The following CHTOP variants were observed in gnomAD, a reference collection of about 807,000 sequenced individuals.
CHTOP encodes chromatin target of PRMT1 protein.
A neutral mutation model predicts 33.6 loss-of-function variants in CHTOP; 18 were observed. The ratio of observed to expected loss-of-function variants is 0.54; its 90% CI spans 0.37 to 0.80. CHTOP has a LOEUF of 0.80. Among genes scored for constraint, CHTOP ranks in the 30% least tolerant of loss-of-function variants. The pLI is 0.00. For missense variants in CHTOP, 263 were observed against 336.8 expected, an observed-to-expected ratio of 0.78 and a Z score of 1.71; for synonymous variants, 117 against 127.7, an observed-to-expected ratio of 0.92 and a Z score of 0.56.
intron 3 of CHTOP, among the ~76,000 whole-genome samples, chr1:153,641,823 C>G (rs1017055427): frequency 7.2e-5 from 11 of 152,162 alleles, no homozygotes; most frequent in Non-Finnish European, 1.2e-4. Flanking sequence ...TTTGAGTAAG[C>G]CTTTGAAGAC....
intron 3 of CHTOP, 127 bp from the exon 4 acceptor site, chr1:153,642,119 C>G (rs1384445179): frequency 1.5e-6 from 1 of 685,824 alleles, no homozygotes; most frequent in Non-Finnish European, 2.4e-6. Flanking sequence ...CCTTTTGACA[C>G]CCACAACAGG....
Position 153,645,453 on chromosome 1 carries a change from A to C in CHTOP, c.*184A>C. The stretch of plus-strand genomic sequence containing the variant: ...TTACTTTTTGATACTGTGTTGTATG[A>C]AACCCTTTTGTCCTTTGATTTGGTT... On this transcript the variant is annotated 3_prime_UTR_variant, in exon 6 of 6. Transcript: ENST00000368694. The C allele has an allele frequency of 2.2e-6, 1 of 462,608 alleles. No homozygotes were observed. The highest frequency in any genetic ancestry group is 3.7e-6 in the Non-Finnish European group (1 of 267,870). 28.7% of individuals were successfully genotyped at this position (462,608 alleles called of 1,614,324 possible).
chr1:153,643,212 T>C lies in CHTOP; in HGVS notation c.404-15T>C, dbSNP rs752460219. ...TGGATTTACCTGCATATACATTGTA[T>C]GCCTCCTCTCTAAGGTCAAAACCTG... On this transcript the variant is annotated splice_polypyrimidine_tract_variant and intron_variant, in intron 4 of 5. Transcript: ENST00000368694. 1 of 1,614,058 alleles carries C rather than the reference T, an allele frequency of 6.2e-7. No homozygotes were observed. Among genetic ancestry groups the C allele is most frequent in the South Asian group, 1.1e-5 (1 of 91,076 alleles).
intron 1 of CHTOP, among the ~76,000 whole-genome samples, chr1:153,636,224 C>G (rs1668394163): frequency 1.3e-5 from 2 of 151,778 alleles, no homozygotes; most frequent in African/African-American, 4.8e-5. Flanking sequence ...ACCACCATAC[C>G]CAGCCACCTT....
intron 1 of CHTOP, among the ~76,000 whole-genome samples, chr1:153,635,054 T>C (rs1251877796): frequency 6.6e-6 from 1 of 152,000 alleles, no homozygotes; most frequent in Non-Finnish European, 1.5e-5. Context: ...TTCTCCATGA[T>C]GGTCAAGCTG....
rs747688621 is a variant in CHTOP, at chr1:153,642,337, G to C, written c.311G>C (p.Gly104Ala). The change falls in exon 4 of 6, where the codon GGC (glycine) becomes GCC (alanine). Residue 104 changes from glycine to alanine, a missense_variant. Around this residue, in one of 3 missense-constraint regions of CHTOP, gnomAD observed 168 missense variants for 179.9 expected, o/e 0.93. Transcript: ENST00000368694. The stretch of plus-strand genomic sequence containing the variant: ...GCCAGGGGAGCAATCGGAGGACGAG[G>C]CCTACCCATAATCCAGAGAGGCTTG... Reference protein sequence around the residue: ...ALARGAIGGRGLPIIQRGLPR... With the variant: ...ALARGAIGGRALPIIQRGLPR... 2.5e-6 allele frequency: 4 copies of C among 1,614,032 alleles called. No individual in the cohort carries two copies. The highest frequency in any genetic ancestry group is 1.3e-5 in the African/African-American group (1 of 74,924).
chr1:153,638,548 A>C, intron 3 of CHTOP, 100 bp downstream of exon 3: 1 of 1,389,664 alleles, frequency 7.2e-7, no homozygotes, highest in Non-Finnish European at 1.0e-6. Context: ...AAAGTGGCTC[A>C]GGGCAAAAAG....
chr1:153,636,771 C>T, intron 2 of CHTOP, 118 bp downstream of exon 2: 1 of 826,484 alleles, frequency 1.2e-6, no homozygotes, highest in Non-Finnish European at 2.0e-6. Flanking sequence ...CTACAGACCT[C>T]TGTTCTTAGT....
chr1:153,638,490 C>G (rs202204550), intron 3 of CHTOP, 42 bp downstream of exon 3: 30 of 1,612,072 alleles, frequency 1.9e-5, no homozygotes, highest in Admixed American at 6.7e-5. Context: ...AGCTGGTGAT[C>G]TCTGTGAGGG....
In CHTOP at chr1:153,645,222, G is replaced by A. The variant is rs1469993520; in HGVS notation, c.700G>A (p.Glu234Lys). 6.2e-7 allele frequency: 1 copy of A among 1,614,226 alleles called. No homozygotes were observed. Among genetic ancestry groups the A allele is most frequent in the Non-Finnish European group, 8.5e-7 (1 of 1,180,044 alleles). The change falls in exon 6 of 6, where the codon GAG becomes AAG. Residue 234 changes from glutamate to lysine, a missense_variant. This residue lies in a region of CHTOP where 22 missense variants were observed against 47.9 expected (regional missense o/e 0.46). Transcript: ENST00000368694. The part of the protein sequence containing the change: ...MSKTKGHLDA[E>K]LDAYMAQTDP... ...GAAAACAAAAGGACACCTGGATGCT[G>A]AGTTGGATGCCTACATGGCGCAGAC...
At chr1:153,640,742 G>T (rs1031326912) in intron 3 of CHTOP, among the ~76,000 whole-genome samples, 2 of 152,194 alleles carry the variant, frequency 1.3e-5, no homozygotes, top group Non-Finnish European at 2.9e-5. Flanking sequence ...CTGCACTTCA[G>T]CCTGGGCAAC....
Position 153,638,293 on chromosome 1 carries a change from A to T in CHTOP, c.66-2A>T. The stretch of plus-strand genomic sequence containing the variant: ...AAACATCCATTTTGTTCGACCTTGA[A>T]GCTTTACTAATATGCTGAAGAACAA... On this transcript the variant is annotated splice_acceptor_variant, in intron 2 of 5. Transcript: ENST00000368694. LOFTEE classifies it high-confidence loss of function. The T allele has an allele frequency of 6.2e-7, 1 of 1,613,768 alleles. No homozygotes were observed. The highest frequency in any genetic ancestry group is 8.5e-7 in the Non-Finnish European group (1 of 1,179,678).
Position 153,638,409 on chromosome 1 carries a change from G to A in CHTOP, c.180G>A (p.Glu60=), listed in dbSNP as rs1231801374. 4 of 1,614,246 alleles carry A rather than the reference G, an allele frequency of 2.5e-6. No individual in the cohort carries two copies. Among genetic ancestry groups the A allele is most frequent in the Non-Finnish European group, 3.4e-6 (4 of 1,180,042 alleles). The change falls in exon 3 of 6, where the codon GAG becomes GAA. Residue 60 remains glutamate, a synonymous_variant. Transcript: ENST00000368694. ...ACAGAAGACTGGCCCAGCAGATGGA[G>A]AATAGACCCTCTGTCCAGGCAGCAT... The part of the protein sequence containing the change: ...ARNRRLAQQM[E]NRPSVQAALK...
chr1:153,642,549 C>T, intron 4 of CHTOP, 120 bp downstream of exon 4: 1 of 733,228 alleles, frequency 1.4e-6, no homozygotes, highest in Admixed American at 3.2e-5. Context: ...ATAATAACTT[C>T]TGAAATCACA....
chr1:153,642,439 G>A lies in CHTOP; in HGVS notation c.403+10G>A, dbSNP rs370300796. 1.1e-5 allele frequency: 17 copies of A among 1,589,172 alleles called. No homozygotes were observed. In the African/African-American group the frequency reaches 2.2e-4, roughly 20 times the overall value. ...GGGATGTCACTCCGAGGTCAGTGCT[G>A]TGTACCCTGATAATTGTCGGGCCCT... On this transcript the variant is annotated intron_variant, in intron 4 of 5. Transcript: ENST00000368694.
chr1:153,636,578 G>A lies in CHTOP; in HGVS notation c.-11G>A, dbSNP rs371789141. 3.7e-6 allele frequency: 6 copies of A among 1,610,274 alleles called. No homozygotes were observed. Among genetic ancestry groups the A allele is most frequent in the African/African-American group, 2.7e-5 (2 of 74,720 alleles). The stretch of plus-strand genomic sequence containing the variant: ...TACGTATTGTTCTTTGTAGATTCTC[G>A]GGATTCGAAGATGGCTGCACAGTCA... On this transcript the variant is annotated 5_prime_UTR_variant, in exon 2 of 6. Coordinates refer to ENST00000368694, the MANE Select transcript of CHTOP (RefSeq NM_015607.4).
chr1:153,639,576 T>C (rs1668541268), intron 3 of CHTOP: 1 of 171,914 alleles, frequency 5.8e-6, no homozygotes. Flanking sequence ...CTGCTTCGGC[T>C]ACCTTAAGCC....
chr1:153,642,216 T>C (rs1402914280), intron 3 of CHTOP, 30 bp from the exon 4 acceptor site: 2 of 1,563,368 alleles, frequency 1.3e-6, no homozygotes, highest in East Asian at 4.6e-5. Context: ...TTTTTTGATC[T>C]CAATCCCCTA....
At chr1:153,642,450 T>C in intron 4 of CHTOP, 21 bp downstream of exon 4, 1 of 1,575,126 alleles carries the variant, frequency 6.3e-7, no homozygotes, top group Non-Finnish European at 8.7e-7. Flanking sequence ...TGTACCCTGA[T>C]AATTGTCGGG....
Sources: gnomAD v4.1 joint callset for allele counts (sites outside exome capture counted in the v4.1 genomes callset) on GRCh38, gnomAD v4.1.1 for gene constraint, gnomAD v4.1.1 regional missense constraint, MANE v1.5 for transcripts, NCBI Gene and HGNC (gene_info 2026-07-23, HGNC 2026-07-21) for gene names.